The following NFAM1 variants were observed in gnomAD, a reference collection of about 807,000 sequenced individuals.
The protein encoded by NFAM1 is NFAT activating protein with ITAM motif 1, also known as NFAT activation molecule 1.
Under a neutral mutation model 29.0 loss-of-function variants are expected in NFAM1, and 17 were observed. That is an observed-to-expected ratio of 0.59 (90% CI 0.40 to 0.88). NFAM1 has a LOEUF of 0.88. Ranked by LOEUF, NFAM1 falls within the 40% of genes least tolerant of loss-of-function variation. The pLI, the probability that NFAM1 is intolerant of heterozygous loss-of-function variation, is 0.00. For synonymous variants in NFAM1, 175 were observed against 147.2 expected, an observed-to-expected ratio of 1.19 and a Z score of -1.36; for missense variants, 324 against 344.6, an observed-to-expected ratio of 0.94 and a Z score of 0.47.
chr22:42,408,310 G>T (rs962279783), intron 3 of NFAM1, among the ~76,000 whole-genome samples: 1 of 152,228 alleles, frequency 6.6e-6, no homozygotes, highest in Non-Finnish European at 1.5e-5. Context: ...AAATTCCCGT[G>T]GAAGAGAGCT....
upstream of NFAM1, among the ~76,000 whole-genome samples, chr22:42,433,371 T>A (rs1930866399): frequency 6.6e-6 from 1 of 152,154 alleles, no homozygotes; most frequent in South Asian, 2.1e-4. Flanking sequence ...ACTCACCAGA[T>A]AAATGTGATG....
chr22:42,434,694 G>A (rs1376567064), upstream of NFAM1, among the ~76,000 whole-genome samples: 1 of 152,256 alleles, frequency 6.6e-6, no homozygotes, highest in African/African-American at 2.4e-5. Flanking sequence ...TGTGCCCTCA[G>A]CCAGAGCTGT....
At chr22:42,427,956 C>G (rs1930676122) in intron 1 of NFAM1, among the ~76,000 whole-genome samples, 1 of 152,210 alleles carries the variant, frequency 6.6e-6, no homozygotes, top group African/African-American at 2.4e-5. Context: ...GGGATGTTCT[C>G]ATTCTTGACC....
In NFAM1 at chr22:42,409,653, C is replaced by T. The variant is rs963910697; in HGVS notation, c.452-106G>A. ...CAGGACCCTGTTTTCAATGCTACCC[C>T]GCCAACACGCTCCACACCCCACTAG... On this transcript the variant is annotated intron_variant, in intron 2 of 5. Coordinates refer to ENST00000329021, the MANE Select transcript of NFAM1 (RefSeq NM_145912.8). This position sits in a 1 kb window ranked among gnomAD's most constrained non-coding sequence, Gnocchi z 4.9. 4.5e-5 allele frequency: 22 copies of T among 485,498 alleles called. No individual in the cohort carries two copies. The highest frequency in any genetic ancestry group is 6.5e-4 in the Middle Eastern group (2 of 3,076). 30.1% of individuals were successfully genotyped at this position (485,498 alleles called of 1,614,324 possible). A position where few individuals can be genotyped will look rare whatever the true frequency, so the allele number is the denominator to read the frequency against.
rs755177325 is a variant in NFAM1 at position 42,411,643 on chromosome 22, G to A, written c.215C>T (p.Thr72Ile). Residue 72 changes from threonine (T) to isoleucine (I), a missense_variant, in exon 2 of 6, where the codon ACT becomes ATT. Coordinates refer to ENST00000329021, the MANE Select transcript of NFAM1 (RefSeq NM_145912.8). ...SFSCRITYPY[T>I]PQFKVFTVSY... ...GACTGTGAAAACCTTGAATTGGGGA[G>A]TGTATGGATAGGTGATCCTGCAGCT... 2 of 1,614,052 alleles carry A rather than the reference G, an allele frequency of 1.2e-6. No individual in the cohort carries two copies. The highest frequency in any genetic ancestry group is 1.7e-6 in the Non-Finnish European group (2 of 1,179,858).
chr22:42,403,969 C>T (rs1301796853), intron 3 of NFAM1, among the ~76,000 whole-genome samples: 1 of 152,134 alleles, frequency 6.6e-6, no homozygotes, highest in Non-Finnish European at 1.5e-5. Flanking sequence ...ACAAGGAGGG[C>T]CTGGGAAGCC....
At position 42,419,999 on chromosome 22, in the gene NFAM1, T is replaced by TTTG. The variant is rs1930387492; in HGVS notation, c.122-8264_122-8263insCAA. ...TGTAATCCCACTCTTGGTTTTTTTTTTTTTTTTTTTTTTTTTTTTTTTTTT... is the reference window on the plus strand; with the variant it reads ...TGTAATCCCACTCTTGGTTTTTTTTTTTGTTTTTTTTTTTTTTTTTTTTTTTTT... On this transcript the variant is annotated intron_variant, in intron 1 of 5. Coordinates refer to ENST00000329021, the MANE Select transcript of NFAM1 (RefSeq NM_145912.8). The surrounding 1 kb of genome is among the most constrained non-coding windows in gnomAD (Gnocchi z 4.5). Among the ~76,000 whole-genome samples the TTTG allele has an allele frequency of 1.1e-5, 1 of 90,794 alleles. No individual in the cohort carries two copies. The highest frequency in any genetic ancestry group is 2.2e-5 in the Non-Finnish European group (1 of 44,996). The allele number at this position is 90,794 out of a possible 152,430, so 59.6% of individuals were successfully genotyped here.
At chr22:42,385,266 A>T in intron 5 of NFAM1, 46 bp from the exon 6 acceptor site, 1 of 1,329,746 alleles carries the variant, frequency 7.5e-7, no homozygotes, top group Non-Finnish European at 1.1e-6. Context: ...AAGAGAGAGA[A>T]TGACCATTAA....
At position 42,384,154 on chromosome 22, in the gene NFAM1, G is replaced by A. The variant is rs1321421046; in HGVS notation, c.*1007C>T. On this transcript the variant is annotated 3_prime_UTR_variant, in exon 6 of 6. Transcript: ENST00000329021. ...CAATCCACAGGGGGCCAGGGCTGCG[G>A]CCTATGGCAGATAAAGATAGAGGAG... 1 of 152,924 alleles carries A rather than the reference G, an allele frequency of 6.5e-6. No homozygotes were observed. The highest frequency in any genetic ancestry group is 1.5e-5 in the Non-Finnish European group (1 of 68,302). The allele number at this position is 152,924 out of a possible 1,614,324, so 9.5% of individuals were successfully genotyped here. A position where few individuals can be genotyped will look rare whatever the true frequency, so the allele number is the denominator to read the frequency against.
rs764832713 is a variant in NFAM1, at chr22:42,411,588, C to A, written c.270G>T (p.Gln90His). 1 of 1,614,240 alleles carries A rather than the reference C, an allele frequency of 6.2e-7. No individual in the cohort carries two copies. Among genetic ancestry groups the A allele is most frequent in the Admixed American group, 1.7e-5 (1 of 60,020 alleles). Residue 90 changes from glutamine (Q) to histidine (H), a missense_variant, in exon 2 of 6, where the codon CAG becomes CAT. By Grantham distance (24) the Gln-to-His change is conservative. Transcript: ENST00000329021. ...AGTTTGTTGGCTTCTTAGGGCTCCT[C>A]TGTCCCTGGAGATCTTCATGAAAGT... ...VSYFHEDLQG[Q>H]RSPKKPTNCH...
intron 4 of NFAM1, among the ~76,000 whole-genome samples, chr22:42,392,562 G>A (rs1929380789): frequency 6.6e-6 from 1 of 152,114 alleles, no homozygotes; most frequent in African/African-American, 2.4e-5. Flanking sequence ...GAGCTGGAGG[G>A]GGATGCGGGC....
chr22:42,400,978 G>A (rs1246245672), intron 3 of NFAM1, among the ~76,000 whole-genome samples: 1 of 152,210 alleles, frequency 6.6e-6, no homozygotes, highest in African/African-American at 2.4e-5. Flanking sequence ...AGCTCAGTTA[G>A]CTCTTGGTGT....
chr22:42,437,632 C>T, the NFAM1 span, among the ~76,000 whole-genome samples: 1 of 152,186 alleles, frequency 6.6e-6, no homozygotes, highest in Admixed American at 6.5e-5. Context: ...AGGACGGCCC[C>T]AGGGTTGGCC....
intron 4 of NFAM1, among the ~76,000 whole-genome samples, chr22:42,394,622 T>C (rs1461330751): frequency 6.6e-6 from 1 of 152,130 alleles, no homozygotes; most frequent in Non-Finnish European, 1.5e-5. Flanking sequence ...CAAAGGGAAG[T>C]TCATACTGTA....
At chr22:42,389,989 G>A (rs1929279285) in intron 4 of NFAM1, among the ~76,000 whole-genome samples, 1 of 152,168 alleles carries the variant, frequency 6.6e-6, no homozygotes, top group East Asian at 1.9e-4. Context: ...ACCAGGCAGT[G>A]GAAATGGGGA....
chr22:42,386,690 A>C (rs1456843187), intron 5 of NFAM1, among the ~76,000 whole-genome samples: 1 of 152,154 alleles, frequency 6.6e-6, no homozygotes, highest in Non-Finnish European at 1.5e-5. Flanking sequence ...CTCTCAGTAC[A>C]TTCTACCCTC....
In NFAM1 at chr22:42,381,480, T is replaced by C. The variant is rs981492315; in HGVS notation, c.*3681A>G. ...GCAGGGCAGGCTGGGCCGGGAGAGA[T>C]GGTGGGAAATCCCACCAGGTCAGGG... is the stretch of plus-strand genomic sequence containing the variant. On this transcript the variant is annotated 3_prime_UTR_variant, in exon 6 of 6. Transcript: ENST00000329021. 3.3e-5 allele frequency: 5 copies of C among 152,512 alleles called. No homozygotes were observed. The highest frequency in any genetic ancestry group is 1.2e-4 in the African/African-American group (5 of 41,374). The allele number at this position is 152,512 out of a possible 1,614,324, so 9.4% of individuals were successfully genotyped here.
At chr22:42,420,049 T>TA (rs1476809033) in intron 1 of NFAM1, among the ~76,000 whole-genome samples, 2 of 133,114 alleles carry the variant, frequency 1.5e-5, no homozygotes, top group Non-Finnish European at 3.1e-5. Context: ...TTTGCTCTTG[T>TA]ACCCAGGCTC....
At chr22:42,415,591 G>A (rs113324279) in intron 1 of NFAM1, among the ~76,000 whole-genome samples, 4,432 of 152,042 alleles carry the variant, frequency 0.029, 217 homozygotes, top group African/African-American at 0.1. Flanking sequence ...GAGCCACCGC[G>A]CCCGGCCTGC....
Sources: gnomAD v4.1 joint callset for allele counts (sites outside exome capture counted in the v4.1 genomes callset) on GRCh38, gnomAD v4.1.1 for gene constraint, Gnocchi (gnomAD v3.1) non-coding constraint, MANE v1.5 for transcripts, NCBI Gene and HGNC (gene_info 2026-07-23, HGNC 2026-07-21) for gene names.